The following NFILZ variants were observed in gnomAD, a reference collection of about 807,000 sequenced individuals.
NFILZ encodes NFIL3 like basic leucine zipper, also known as NFIL3 like protein.
chr19:8,660,609 T>C (rs1299832851), intron 3 of NFILZ, among the ~76,000 whole-genome samples: 1 of 130,016 alleles, frequency 7.7e-6, no homozygotes, highest in African/African-American at 2.8e-5. Context: ...CCCTCCTTCC[T>C]TCTCTCCTTC....
At chr19:8,652,219 C>T (rs1401787582) in intron 3 of NFILZ, among the ~76,000 whole-genome samples, 1 of 151,938 alleles carries the variant, frequency 6.6e-6, no homozygotes. Context: ...TCTCCTGCCT[C>T]AGGCTCCAGA....
intron 3 of NFILZ, among the ~76,000 whole-genome samples, chr19:8,643,419 A>G (rs2042926943): frequency 6.6e-6 from 1 of 152,214 alleles, no homozygotes; most frequent in South Asian, 2.1e-4. Flanking sequence ...TGACTGGGCC[A>G]TAAGACACCC....
At chr19:8,666,700 A>G (rs781790870) in intron 3 of NFILZ, among the ~76,000 whole-genome samples, 16 of 152,022 alleles carry the variant, frequency 1.1e-4, no homozygotes, top group Non-Finnish European at 4.4e-5. Context: ...ATTTAGGAGC[A>G]GAGGGTTGGC....
intron 1 of NFILZ, among the ~76,000 whole-genome samples, chr19:8,631,830 TTGTG>T (rs71179868): frequency 8.8e-4 from 129 of 146,004 alleles, no homozygotes; most frequent in African/African-American, 2.3e-3. Context: ...GTCCTCGCTT[TTGTG>T]TGTGTGTGTG....
intron 3 of NFILZ, among the ~76,000 whole-genome samples, chr19:8,667,427 G>T (rs1343835516): frequency 1.3e-5 from 2 of 152,042 alleles, no homozygotes; most frequent in African/African-American, 2.4e-5. Context: ...CTTGATATCT[G>T]GGGGGGATTG....
chr19:8,638,043 G>A (rs1555746279), intron 3 of NFILZ, among the ~76,000 whole-genome samples: 1 of 151,666 alleles, frequency 6.6e-6, no homozygotes, highest in East Asian at 1.9e-4. Flanking sequence ...GTGCCAGCAT[G>A]ACCTTGCCAG....
At chr19:8,672,141 T>C (rs1295450440) in intron 3 of NFILZ, among the ~76,000 whole-genome samples, 2 of 151,874 alleles carry the variant, frequency 1.3e-5, no homozygotes, top group Non-Finnish European at 2.9e-5. Flanking sequence ...CATGCATTTG[T>C]TAGTTCATTC....
At chr19:8,633,595 C>T (rs540287503) in intron 2 of NFILZ, among the ~76,000 whole-genome samples, 1 of 152,312 alleles carries the variant, frequency 6.6e-6, no homozygotes, top group East Asian at 1.9e-4. Context: ...TCCCCCACCT[C>T]TGGCTCTTGG....
chr19:8,636,171 T>C lies in NFILZ; in HGVS notation c.-164+425T>C, dbSNP rs188233589. Reference sequence around the variant, plus strand: ...CTTTTAAAAAAATTTTATTTTCGGCTGGGCGCGGTGGCTCATGCCTGTAAT... The same window carrying C: ...CTTTTAAAAAAATTTTATTTTCGGCCGGGCGCGGTGGCTCATGCCTGTAAT... On this transcript the variant is annotated intron_variant, in intron 3 of 5. Transcript: ENST00000691075. Among the ~76,000 whole-genome samples the C allele has an allele frequency of 1.8e-3, 267 of 151,246 alleles. 1 individual carries two copies. The highest frequency in any genetic ancestry group is 6.2e-3 in the African/African-American group (258 of 41,378).
chr19:8,678,097 C>CCATCCTTCCATCCATTCATCCACTTGTT lies in NFILZ; in HGVS notation c.*467_*468insTTCCATCCATTCATCCACTTGTTCATCC, dbSNP rs2043123526. Reference sequence around the variant, plus strand: ...CCATCAATCCATCCATCCATTCCATCCATCCATCCATCCATCCATCCATCC... The same window carrying CCATCCTTCCATCCATTCATCCACTTGTT: ...CCATCAATCCATCCATCCATTCCATCCATCCTTCCATCCATTCATCCACTTGTTCATCCATCCATCCATCCATCCATCC... On this transcript the variant is annotated 3_prime_UTR_variant, in exon 6 of 6. Coordinates refer to ENST00000691075, the MANE Select transcript of NFILZ (RefSeq NM_001378600.1). 7.4e-6 allele frequency among the ~76,000 whole-genome samples: 1 copy of CCATCCTTCCATCCATTCATCCACTTGTT among 135,414 alleles called. No individual in the cohort carries two copies. Among genetic ancestry groups the CCATCCTTCCATCCATTCATCCACTTGTT allele is most frequent in the Non-Finnish European group, 1.6e-5 (1 of 63,766 alleles). 88.8% of individuals were successfully genotyped at this position (135,414 alleles called of 152,430 possible). A position where few individuals can be genotyped will look rare whatever the true frequency, so the allele number is the denominator to read the frequency against.
intron 3 of NFILZ, among the ~76,000 whole-genome samples, chr19:8,672,321 T>G (rs1274564937): frequency 6.6e-6 from 1 of 152,174 alleles, no homozygotes; most frequent in African/African-American, 2.4e-5. Flanking sequence ...ATCCATGCAC[T>G]TATTTGTTCA....
chr19:8,644,245 C>T (rs936997110), intron 3 of NFILZ, among the ~76,000 whole-genome samples: 20 of 151,610 alleles, frequency 1.3e-4, no homozygotes, highest in African/African-American at 2.9e-4. Flanking sequence ...GGATTACAGG[C>T]GATTGCTACC....
At chr19:8,646,764 C>T (rs2146143588) in intron 3 of NFILZ, among the ~76,000 whole-genome samples, 2 of 152,260 alleles carry the variant, frequency 1.3e-5, no homozygotes, top group South Asian at 4.2e-4. Flanking sequence ...CACCTCAGGA[C>T]CTTTGTCTGT....
chr19:8,655,873 C>T (rs1305918988), intron 3 of NFILZ, among the ~76,000 whole-genome samples: 5 of 151,988 alleles, frequency 3.3e-5, no homozygotes, highest in Non-Finnish European at 7.4e-5. Context: ...ATGTCTCTCT[C>T]GCTGTCTCTG....
chr19:8,640,067 C>T (rs573592239), intron 3 of NFILZ, among the ~76,000 whole-genome samples: 1 of 152,100 alleles, frequency 6.6e-6, no homozygotes, highest in Non-Finnish European at 1.5e-5. Flanking sequence ...AAGCCTGGTG[C>T]CCTCTGTGAG....
At chr19:8,647,636 G>GGAA (rs200700444) in intron 3 of NFILZ, among the ~76,000 whole-genome samples, 2,516 of 151,222 alleles carry the variant, frequency 0.017, 69 homozygotes, top group African/African-American at 0.059. Context: ...GGATAGAGCT[G>GGAA]GAAGCCATCA....
At position 8,678,124 on chromosome 19, in the gene NFILZ, T is replaced by TTCATCCACTTGTCCATCCA. The variant is rs1555750974; in HGVS notation, c.*489_*490insTCATCCACTTGTCCATCCA. On this transcript the variant is annotated 3_prime_UTR_variant, in exon 6 of 6. Transcript: ENST00000691075. ...ATCCATCCATCCATCCATCCATCCA[T>TTCATCCACTTGTCCATCCA]CCCTCCATCCATTCATCCACTTGTC... Among the ~76,000 whole-genome samples, 1 of 125,444 alleles carries TTCATCCACTTGTCCATCCA rather than the reference T, an allele frequency of 8.0e-6. No homozygotes were observed. The highest frequency in any genetic ancestry group is 3.1e-5 in the African/African-American group (1 of 31,772). 82.3% of individuals were successfully genotyped at this position (125,444 alleles called of 152,430 possible).
At chr19:8,673,543 C>T (rs9305032) in intron 3 of NFILZ, among the ~76,000 whole-genome samples, 21,976 of 152,138 alleles carry the variant, frequency 0.14, 2,324 homozygotes, top group East Asian at 0.5. Context: ...AGATGTCTTT[C>T]GGCTTCAGAG....
chr19:8,657,778 C>T (rs930771014), intron 3 of NFILZ, among the ~76,000 whole-genome samples: 2 of 152,186 alleles, frequency 1.3e-5, no homozygotes, highest in Admixed American at 6.5e-5. Context: ...CAGCCCTGCT[C>T]AGACGGGGAG....
Sources: gnomAD v4.1 joint callset for allele counts (sites outside exome capture counted in the v4.1 genomes callset) on GRCh38, gnomAD v4.1.1 for gene constraint, MANE v1.5 for transcripts, NCBI Gene and HGNC (gene_info 2026-07-23, HGNC 2026-07-21) for gene names.